The following CCNY variants were observed in gnomAD, a reference collection of about 807,000 sequenced individuals.
CCNY encodes the protein cyclin-Y.
A neutral mutation model predicts 42.8 loss-of-function variants in CCNY; 19 were observed. The observed-to-expected ratio is 0.44, with a 90% CI of 0.31 to 0.65. CCNY has a LOEUF of 0.65. Among genes scored for constraint, CCNY ranks in the 30% least tolerant of loss-of-function variants. The pLI, the probability that CCNY is intolerant of heterozygous loss-of-function variation, is 0.07. For synonymous variants in CCNY, 165 were observed against 162.7 expected (o/e 1.01, Z -0.11); for missense variants, 370 against 437.3 (o/e 0.85, Z 1.37).
intron 1 of CCNY, among the ~76,000 whole-genome samples, chr10:35,345,437 C>T (rs919560929): frequency 6.8e-6 from 1 of 148,032 alleles, no homozygotes; most frequent in African/African-American, 2.5e-5. Context: ...CCACTGCACT[C>T]TAGCCTGGGT....
intron 3 of CCNY, among the ~76,000 whole-genome samples, chr10:35,505,526 T>A (rs1840198276): frequency 6.6e-6 from 1 of 152,186 alleles, no homozygotes; most frequent in African/African-American, 2.4e-5. Context: ...CACATTATTA[T>A]TAGTGGGACT....
intron 1 of CCNY, among the ~76,000 whole-genome samples, chr10:35,400,573 TCTC>T (rs1158835315): frequency 6.6e-6 from 1 of 152,228 alleles, no homozygotes; most frequent in Non-Finnish European, 1.5e-5. Context: ...ACCAACCTCT[TCTC>T]TAACCTCCCA....
rs1840643123 is a variant in CCNY, at chr10:35,525,953, T to C, written c.366-11T>C. On this transcript the variant is annotated splice_polypyrimidine_tract_variant and intron_variant, in intron 4 of 9. Transcript: ENST00000374704. ...TCATGGACACTGAACCTCTGCATTC[T>C]ATTTTTACAGTGTCGCTCTTGCAAT... is the stretch of plus-strand genomic sequence containing the variant. 3 of 1,611,504 alleles carry C rather than the reference T, an allele frequency of 1.9e-6. No homozygotes were observed. Among genetic ancestry groups the C allele is most frequent in the Non-Finnish European group, 2.5e-6 (3 of 1,179,130 alleles).
chr10:35,486,562 C>T (rs1031708871), intron 2 of CCNY, among the ~76,000 whole-genome samples: 13 of 152,154 alleles, frequency 8.5e-5, no homozygotes, highest in African/African-American at 1.2e-4. Flanking sequence ...TCTGTGCTGC[C>T]GCTAGCTGAC....
At chr10:35,265,943 CT>C (rs1234286897) in intron 3 of CCNY, among the ~76,000 whole-genome samples, 1 of 152,140 alleles carries the variant, frequency 6.6e-6, no homozygotes, top group Non-Finnish European at 1.5e-5. Context: ...CAGCCCCACT[CT>C]TTACATTCTA....
At chr10:35,424,473 G>A (rs905226988) in intron 1 of CCNY, among the ~76,000 whole-genome samples, 7 of 152,316 alleles carry the variant, frequency 4.6e-5, no homozygotes, top group Non-Finnish European at 7.4e-5. Context: ...TGATCTGACC[G>A]CCTCGGCCTC....
At chr10:35,349,262 T>G (rs2135134467) in intron 1 of CCNY, among the ~76,000 whole-genome samples, 1 of 150,944 alleles carries the variant, frequency 6.6e-6, no homozygotes, top group Non-Finnish European at 1.5e-5. Flanking sequence ...TGTAGATGTG[T>G]GAGCAGTCTG....
chr10:35,479,354 C>G (rs1270721638), intron 1 of CCNY, among the ~76,000 whole-genome samples: 16 of 146,692 alleles, frequency 1.1e-4, no homozygotes, highest in African/African-American at 3.5e-4. Flanking sequence ...TTGGAACCAA[C>G]CCAAATGTCC....
intron 1 of CCNY, among the ~76,000 whole-genome samples, chr10:35,398,381 G>T (rs1486678552): frequency 6.6e-6 from 1 of 152,240 alleles, no homozygotes; most frequent in Admixed American, 6.5e-5. Context: ...TGACCAACAC[G>T]TGTCCTTTTG....
At chr10:35,262,257 CAA>C (rs1184383605) in intron 3 of CCNY, among the ~76,000 whole-genome samples, 1 of 25,086 alleles carries the variant, frequency 4.0e-5, no homozygotes, top group Non-Finnish European at 7.3e-5. Flanking sequence ...AACTCTGTCT[CAA>C]AAAAAAAAAA....
intron 1 of CCNY, among the ~76,000 whole-genome samples, chr10:35,441,786 T>G (rs1838675225): frequency 6.6e-6 from 1 of 152,188 alleles, no homozygotes; most frequent in South Asian, 2.1e-4. Flanking sequence ...TAGCATAAAC[T>G]TGATAAGAGT....
chr10:35,468,192 C>A (rs184984546), intron 1 of CCNY, among the ~76,000 whole-genome samples: 1 of 152,128 alleles, frequency 6.6e-6, no homozygotes, highest in Non-Finnish European at 1.5e-5. Context: ...TTTGGTGTAA[C>A]CTCACATGGC....
chr10:35,539,225 C>T (rs550328841), intron 7 of CCNY, among the ~76,000 whole-genome samples: 2 of 152,230 alleles, frequency 1.3e-5, no homozygotes, highest in East Asian at 1.9e-4. Context: ...TTGTTTTGGC[C>T]ATGCCATCCA....
chr10:35,333,295 T>C (rs758955469), upstream of CCNY, among the ~76,000 whole-genome samples: 249 of 152,278 alleles, frequency 1.6e-3, 4 homozygotes, highest in Middle Eastern at 3.4e-3. Context: ...AGTGACACAG[T>C]GTTGGAGATC....
At position 35,520,010 on chromosome 10, in the gene CCNY, C is replaced by G. The variant is rs555930643; in HGVS notation, c.365+3387C>G. Among the ~76,000 whole-genome samples, 7 of 152,128 alleles carry G rather than the reference C, an allele frequency of 4.6e-5. No homozygotes were observed. The South Asian group carries it at 1.2e-3, about 27-fold the overall frequency. ...CGTAGGCTGGGCTCAAGCAATCTAC[C>G]CACCTTGGCCTCCCAAAGTGCTGAG... On this transcript the variant is annotated intron_variant, in intron 4 of 9. Coordinates refer to ENST00000374704, the MANE Select transcript of CCNY (RefSeq NM_145012.6).
intron 1 of CCNY, among the ~76,000 whole-genome samples, chr10:35,481,251 T>C (rs1189053544): frequency 6.6e-6 from 1 of 152,190 alleles, no homozygotes; most frequent in Non-Finnish European, 1.5e-5. Flanking sequence ...AGTGTCCCAT[T>C]ATTGGAGGCT....
At position 35,336,701 on chromosome 10, in the gene CCNY, C is replaced by CG. The variant is rs891836070; in HGVS notation, c.-346dup. ...GAAGCGGACACCAACTGGGGAAGCG[C>CG]GGGGGGGAGGCGGCCTGCGCGGCGC... On this transcript the variant is annotated 5_prime_UTR_variant, in exon 1 of 10. Transcript: ENST00000374704. Among the ~76,000 whole-genome samples the CG allele has an allele frequency of 1.8e-3, 259 of 143,152 alleles. 1 individual carries two copies. The highest frequency in any genetic ancestry group is 4.9e-3 in the Admixed American group (70 of 14,402). The allele number at this position is 143,152 out of a possible 152,430, so 93.9% of individuals were successfully genotyped here.
chr10:35,263,553 A>C (rs1219144821), intron 3 of CCNY, among the ~76,000 whole-genome samples: 1 of 151,782 alleles, frequency 6.6e-6, no homozygotes, highest in Non-Finnish European at 1.5e-5. Context: ...AAATAAAATA[A>C]AATAAAATAA....
intron 1 of CCNY, among the ~76,000 whole-genome samples, chr10:35,365,155 C>T (rs985432925): frequency 6.6e-6 from 1 of 152,068 alleles, no homozygotes; most frequent in Non-Finnish European, 1.5e-5. Context: ...GAGCTGGTAA[C>T]GTTTATGGAG....
Sources: allele counts gnomAD v4.1 joint callset (sites outside exome capture counted in the v4.1 genomes callset), GRCh38; gene constraint gnomAD v4.1.1; transcripts MANE v1.5; gene names NCBI Gene and HGNC (gene_info 2026-07-23, HGNC 2026-07-21).